FTCDNL1: variants seen among roughly 807,000 people sequenced by gnomAD.
FTCDNL1 encodes the protein formiminotransferase N-terminal subdomain-containing protein.
A neutral mutation model predicts 5.9 loss-of-function variants in FTCDNL1; 11 were observed. That is an observed-to-expected ratio of 1.87 (90% CI 1.18 to 3.10). FTCDNL1 has a LOEUF of 3.10. Ranked by LOEUF, FTCDNL1 falls within the 30% of genes most tolerant of loss-of-function variation. FTCDNL1 has a pLI of 0.00. For synonymous variants in FTCDNL1, 58 were observed against 24.8 expected (o/e 2.34, Z -3.99); for missense variants, 115 against 65.5 (o/e 1.76, Z -2.61).
the FTCDNL1 span, among the ~76,000 whole-genome samples, chr2:199,685,594 A>G: frequency 2.0e-5 from 3 of 152,208 alleles, no homozygotes; most frequent in African/African-American, 7.2e-5. Context: ...ATATGCAAAT[A>G]TAAGAAGAAA....
intron 3 of FTCDNL1, among the ~76,000 whole-genome samples, chr2:199,832,539 G>A (rs1374306355): frequency 6.6e-6 from 1 of 152,180 alleles, no homozygotes; most frequent in African/African-American, 2.4e-5. Flanking sequence ...GAAGCTGTCT[G>A]CTATAGAACT....
chr2:199,838,929 G>A (rs1252238521), intron 3 of FTCDNL1, among the ~76,000 whole-genome samples: 1 of 152,140 alleles, frequency 6.6e-6, no homozygotes, highest in African/African-American at 2.4e-5. Context: ...ACTGGCAGTG[G>A]TGTCTCCACT....
chr2:199,782,262 T>A (rs1005631764), intron 3 of FTCDNL1, among the ~76,000 whole-genome samples: 48 of 152,216 alleles, frequency 3.2e-4, no homozygotes, highest in African/African-American at 1.1e-3. Context: ...TCAATGTCTG[T>A]CACACTTGGG....
At chr2:199,704,577 T>C in the FTCDNL1 span, among the ~76,000 whole-genome samples, 1 of 152,196 alleles carries the variant, frequency 6.6e-6, no homozygotes, top group Admixed American at 6.5e-5. Flanking sequence ...GGACTCAAGG[T>C]GGCACCTTGG....
the FTCDNL1 span, among the ~76,000 whole-genome samples, chr2:199,703,494 A>G: frequency 2.0e-5 from 3 of 152,216 alleles, no homozygotes; most frequent in Non-Finnish European, 1.5e-5. Flanking sequence ...GGTAAACTAT[A>G]TTGATCAAAT....
chr2:199,785,348 C>T (rs1050447406), intron 3 of FTCDNL1, among the ~76,000 whole-genome samples: 3 of 149,726 alleles, frequency 2.0e-5, no homozygotes, highest in Non-Finnish European at 3.0e-5. Context: ...CCCGGGTTCA[C>T]GCCATTCTCC....
the FTCDNL1 span, among the ~76,000 whole-genome samples, chr2:199,694,760 G>A: frequency 1.3e-5 from 2 of 152,188 alleles, no homozygotes; most frequent in African/African-American, 4.8e-5. Context: ...CTTGAACCCA[G>A]GAGGTTGAGG....
intron 3 of FTCDNL1, among the ~76,000 whole-genome samples, chr2:199,827,368 T>A (rs1050039991): frequency 6.9e-5 from 10 of 144,374 alleles, no homozygotes; most frequent in Non-Finnish European, 1.5e-4. Context: ...CAAAACAGAC[T>A]CAGAGATACA....
chr2:199,822,743 A>C (rs1392461098), intron 3 of FTCDNL1, among the ~76,000 whole-genome samples: 7 of 152,340 alleles, frequency 4.6e-5, no homozygotes, highest in Non-Finnish European at 1.0e-4. Context: ...TTGTGTTGTC[A>C]TTTCAACAGT....
the FTCDNL1 span, among the ~76,000 whole-genome samples, chr2:199,670,052 C>T: frequency 1.3e-5 from 2 of 152,146 alleles, no homozygotes; most frequent in African/African-American, 4.8e-5. Context: ...TTACATGAAA[C>T]ATAATGTTTC....
intron 3 of FTCDNL1, among the ~76,000 whole-genome samples, chr2:199,827,109 G>A (rs1049987053): frequency 1.3e-5 from 2 of 152,164 alleles, no homozygotes; most frequent in Admixed American, 1.3e-4. Context: ...GTGTGATGCA[G>A]TGTGAAGCAC....
intron 1 of FTCDNL1, among the ~76,000 whole-genome samples, 168 bp downstream of exon 1, chr2:199,850,572 C>G (rs1315759479): frequency 2.6e-5 from 4 of 152,238 alleles, no homozygotes; most frequent in Admixed American, 2.6e-4. Context: ...CGCAAGCCCC[C>G]CAAAACACTC....
intron 3 of FTCDNL1, among the ~76,000 whole-genome samples, chr2:199,792,670 G>A (rs981003564): frequency 2.6e-5 from 4 of 152,046 alleles, no homozygotes; most frequent in African/African-American, 9.7e-5. Flanking sequence ...TGTGTTTCCT[G>A]CAAACCTGAC....
At chr2:199,739,387 G>A in the FTCDNL1 span, among the ~76,000 whole-genome samples, 2 of 152,158 alleles carry the variant, frequency 1.3e-5, no homozygotes, top group African/African-American at 4.8e-5. Context: ...GGAGCTTTAC[G>A]GGTAAAACTT....
At chr2:199,704,784 T>C in the FTCDNL1 span, among the ~76,000 whole-genome samples, 2 of 152,128 alleles carry the variant, frequency 1.3e-5, no homozygotes, top group Non-Finnish European at 2.9e-5. Flanking sequence ...CACACTTTGC[T>C]ACACTGACAG....
chr2:199,841,416 A>T (rs994278940), intron 3 of FTCDNL1, among the ~76,000 whole-genome samples: 10 of 152,020 alleles, frequency 6.6e-5, no homozygotes, highest in African/African-American at 2.4e-4. Flanking sequence ...AATAAATACC[A>T]ATGTCCAAAA....
chr2:199,812,456 CCTA>C lies in FTCDNL1; in HGVS notation c.*246_*248del, dbSNP rs1299217407. 2.5e-6 allele frequency: 1 copy of C among 404,822 alleles called. No individual in the cohort carries two copies. Among genetic ancestry groups the C allele is most frequent in the Non-Finnish European group, 4.3e-6 (1 of 230,588 alleles). The allele number at this position is 404,822 out of a possible 1,614,324, so 25.1% of individuals were successfully genotyped here. A position where few individuals can be genotyped will look rare whatever the true frequency, so the allele number is the denominator to read the frequency against. ...ATTTGATTTTTTATGTTAATTTAAACCTACTAAGAAGGTATTTTAAATGAGAGA... is the reference window on the plus strand; with the variant it reads ...ATTTGATTTTTTATGTTAATTTAAACCTAAGAAGGTATTTTAAATGAGAGA... On this transcript the variant is annotated 3_prime_UTR_variant, in exon 5 of 5. Coordinates refer to ENST00000420128, the MANE Select transcript of FTCDNL1 (RefSeq NM_001363886.2).
chr2:199,687,042 C>T, the FTCDNL1 span, among the ~76,000 whole-genome samples: 3 of 152,134 alleles, frequency 2.0e-5, no homozygotes, highest in East Asian at 5.8e-4. Flanking sequence ...TATTTTTAGC[C>T]TCTAAAACCT....
At chr2:199,765,554 A>ATTTTTTTT (rs1394074600) in intron 3 of FTCDNL1, among the ~76,000 whole-genome samples, 7 of 60,368 alleles carry the variant, frequency 1.2e-4, no homozygotes, top group African/African-American at 2.9e-4. Context: ...ATATATATAT[A>ATTTTTTTT]TATTTTTTTT....
Sources: gnomAD v4.1 joint callset for allele counts (sites outside exome capture counted in the v4.1 genomes callset) on GRCh38, gnomAD v4.1.1 for gene constraint, MANE v1.5 for transcripts, NCBI Gene and HGNC (gene_info 2026-07-23, HGNC 2026-07-21) for gene names.